Variants in CFAP54 observed in about 807,000 individuals in gnomAD.
CFAP54 encodes cilia and flagella associated protein 54, also known as cilia- and flagella-associated protein 54.
A neutral mutation model predicts 370.4 loss-of-function variants in CFAP54; 290 were observed. The ratio of observed to expected loss-of-function variants is 0.78; its 90% confidence interval spans 0.71 to 0.86. The LOEUF (loss-of-function observed/expected upper bound fraction) is 0.86, where lower values mean the gene tolerates loss of function less well. Ranked by LOEUF, CFAP54 falls within the 40% of genes least tolerant of loss-of-function variation. The pLI, the probability that CFAP54 is intolerant of heterozygous loss-of-function variation, is 0.00. For missense variants in CFAP54, 3,399 were observed against 3,528.7 expected, an observed-to-expected ratio of 0.96 and a Z score of 0.93; for synonymous variants, 1,206 against 1,236.5, an observed-to-expected ratio of 0.98 and a Z score of 0.52.
intron 39 of CFAP54, among the ~76,000 whole-genome samples, chr12:96,671,641 G>T (rs1257834689): frequency 6.6e-6 from 1 of 152,162 alleles, no homozygotes; most frequent in East Asian, 1.9e-4. Flanking sequence ...TTGAATAGAG[G>T]CCAGGCGTGG....
Position 96,592,480 on chromosome 12 carries a change from C to G in CFAP54, c.3213-10C>G, listed in dbSNP as rs1296782558. 1 of 528,046 alleles carries G rather than the reference C, an allele frequency of 1.9e-6. No individual in the cohort carries two copies. The highest frequency in any genetic ancestry group is 2.0e-5 in the African/African-American group (1 of 50,688). 32.7% of individuals were successfully genotyped at this position (528,046 alleles called of 1,614,324 possible). ...TTATATTTATACCTGCCATTTACTT[C>G]ATATTGCAGATTACATTCAGATATT... On this transcript the variant is annotated splice_polypyrimidine_tract_variant and intron_variant, in intron 23 of 67. Coordinates refer to ENST00000524981, the MANE Select transcript of CFAP54 (RefSeq NM_001306084.2).
At chr12:96,656,284 T>C (rs2136510763) in intron 36 of CFAP54, among the ~76,000 whole-genome samples, 1 of 151,942 alleles carries the variant, frequency 6.6e-6, no homozygotes, top group Non-Finnish European at 1.5e-5. Flanking sequence ...ATTTAGGAGA[T>C]CAATAGACAA....
At chr12:96,676,867 C>T (rs1008388541) in intron 39 of CFAP54, among the ~76,000 whole-genome samples, 9 of 152,064 alleles carry the variant, frequency 5.9e-5, no homozygotes, top group African/African-American at 1.4e-4. Flanking sequence ...CTCTGTAGCC[C>T]GCTTCTATCA....
At chr12:96,742,061 A>G (rs1958057308) in intron 51 of CFAP54, among the ~76,000 whole-genome samples, 1 of 152,190 alleles carries the variant, frequency 6.6e-6, no homozygotes, top group Non-Finnish European at 1.5e-5. Context: ...AACTAAATGG[A>G]TATTAGTGAA....
intron 26 of CFAP54, among the ~76,000 whole-genome samples, chr12:96,611,539 A>G (rs1307187663): frequency 6.6e-6 from 1 of 152,262 alleles, no homozygotes. Flanking sequence ...TGGACGGAGA[A>G]TGACTTTGAC....
At chr12:96,827,879 GTTATATATAATATATAA>G (rs1959139452) in intron 65 of CFAP54, among the ~76,000 whole-genome samples, 13 of 97,888 alleles carry the variant, frequency 1.3e-4, no homozygotes, top group East Asian at 1.1e-3. Context: ...ATTATATATA[GTTATATATAATATATAA>G]TTATATATAA....
intron 66 of CFAP54, among the ~76,000 whole-genome samples, chr12:96,847,899 A>C (rs1959403593): frequency 6.6e-6 from 1 of 152,214 alleles, no homozygotes; most frequent in Non-Finnish European, 1.5e-5. Context: ...GTCGTTGTAA[A>C]GTGACAATGA....
chr12:96,610,346 C>G (rs1324244207), intron 26 of CFAP54, among the ~76,000 whole-genome samples: 9 of 152,078 alleles, frequency 5.9e-5, no homozygotes, highest in Non-Finnish European at 1.3e-4. Context: ...ATTTATATGG[C>G]CTTGGAGTCA....
chr12:96,554,821 A>G lies in CFAP54; in HGVS notation c.2410+19A>G, dbSNP rs2136401356. 6.6e-7 allele frequency: 1 copy of G among 1,518,922 alleles called. No homozygotes were observed. The allele number at this position is 1,518,922 out of a possible 1,614,324, so 94.1% of individuals were successfully genotyped here. A position where few individuals can be genotyped will look rare whatever the true frequency, so the allele number is the denominator to read the frequency against. On this transcript the variant is annotated intron_variant, in intron 17 of 67. Coordinates refer to ENST00000524981, the MANE Select transcript of CFAP54 (RefSeq NM_001306084.2). The stretch of plus-strand genomic sequence containing the variant: ...TTGCAAGGTAGTAGTCACTAAAGCA[A>G]GTAACCATTCTGAATCAATTTTAAG...
At chr12:96,729,594 C>G (rs1460513490) in intron 50 of CFAP54, among the ~76,000 whole-genome samples, 1 of 152,152 alleles carries the variant, frequency 6.6e-6, no homozygotes, top group East Asian at 1.9e-4. Context: ...GTCTGTCACC[C>G]CTTTCCTTAA....
intron 27 of CFAP54, among the ~76,000 whole-genome samples, chr12:96,622,229 T>C (rs1956504675): frequency 6.6e-6 from 1 of 152,116 alleles, no homozygotes; most frequent in South Asian, 2.1e-4. Flanking sequence ...CAAGCATGAG[T>C]CTTACAAGAA....
chr12:96,622,546 C>T (rs1357760360), intron 27 of CFAP54, among the ~76,000 whole-genome samples: 1 of 152,124 alleles, frequency 6.6e-6, no homozygotes, highest in Non-Finnish European at 1.5e-5. Flanking sequence ...GATGGGGTTT[C>T]ACCATGTTGG....
intron 2 of CFAP54, 71 bp from the exon 3 acceptor site, chr12:96,503,815 A>G: frequency 8.2e-7 from 1 of 1,225,534 alleles, no homozygotes; most frequent in Non-Finnish European, 1.1e-6. Context: ...TAGGAATAAT[A>G]TGAATATTAC....
Position 96,603,469 on chromosome 12 carries a change from G to A in CFAP54, c.3639+4702G>A, listed in dbSNP as rs1395417951. Among the ~76,000 whole-genome samples the A allele has an allele frequency of 9.9e-5, 15 of 152,190 alleles. 2 individuals carry two copies. The highest frequency in any genetic ancestry group is 3.9e-4 in the Admixed American group (6 of 15,282). ...TCTTCTTGAGGAGTATCTTTGTGGC[G>A]TTCTCTGTATTTCCTGAATTTGAAT... is the stretch of plus-strand genomic sequence containing the variant. On this transcript the variant is annotated intron_variant, in intron 26 of 67. Transcript: ENST00000524981.
chr12:96,637,997 C>T (rs1267961700), intron 32 of CFAP54, among the ~76,000 whole-genome samples: 1 of 152,034 alleles, frequency 6.6e-6, no homozygotes, highest in African/African-American at 2.4e-5. Context: ...TAAGAACACC[C>T]TATGATGTTC....
chr12:96,691,286 G>A lies in CFAP54; in HGVS notation c.6240G>A (p.Leu2080=), dbSNP rs1957385486. ...IASLYYIIRE[L]HFVRQNLIVL... is the part of the protein sequence containing the mutation. ...GTCTGTATTACATTATACGTGAACT[G>A]CACTTTGTTAGGCAAAACCTAATAG... is the stretch of plus-strand genomic sequence containing the variant. Residue 2080 remains leucine (L), a synonymous_variant, in exon 44 of 68, where the codon CTG becomes CTA. Transcript: ENST00000524981. 1 of 1,593,666 alleles carries A rather than the reference G, an allele frequency of 6.3e-7. No individual in the cohort carries two copies. Among genetic ancestry groups the A allele is most frequent in the Admixed American group, 1.8e-5 (1 of 54,642 alleles).
At chr12:96,664,930 A>G (rs143443158) in intron 39 of CFAP54, among the ~76,000 whole-genome samples, 17,247 of 151,340 alleles carry the variant, frequency 0.11, 1,295 homozygotes, top group Middle Eastern at 0.22. Flanking sequence ...TTACACTCCC[A>G]CTAACAATGT....
intron 38 of CFAP54, among the ~76,000 whole-genome samples, chr12:96,662,699 C>T (rs1957008938): frequency 6.6e-6 from 1 of 152,076 alleles, no homozygotes. Context: ...TGTCCTATTA[C>T]TCCCAGGCAG....
At chr12:96,615,479 T>A (rs567576404) in intron 26 of CFAP54, among the ~76,000 whole-genome samples, 5,049 of 151,940 alleles carry the variant, frequency 0.033, 275 homozygotes, top group African/African-American at 0.12. Context: ...AAAACACCAA[T>A]AGCAATGGCA....
Sources: gnomAD v4.1 joint callset for allele counts (sites outside exome capture counted in the v4.1 genomes callset) on GRCh38, gnomAD v4.1.1 for gene constraint, MANE v1.5 for transcripts, NCBI Gene and HGNC (gene_info 2026-07-23, HGNC 2026-07-21) for gene names.